The following ENTPD3 variants were observed in gnomAD, a reference collection of about 807,000 sequenced individuals.
The protein encoded by ENTPD3 is ectonucleoside triphosphate diphosphohydrolase 3.
Under a neutral mutation model 51.2 loss-of-function variants are expected in ENTPD3, and 60 were observed. The ratio of observed to expected loss-of-function variants is 1.17; its 90% CI spans 0.95 to 1.45. The LOEUF (loss-of-function observed/expected upper bound fraction) is 1.45. Ranked by LOEUF, ENTPD3 falls within the 40% of genes most tolerant of loss-of-function variation. The pLI is 0.00. For missense variants in ENTPD3, 593 were observed against 641.1 expected (o/e 0.93, Z 0.81); for synonymous variants, 221 against 238.4 (o/e 0.93, Z 0.67).
chr3:40,428,061 C>A lies in ENTPD3; in HGVS notation c.*553C>A. On this transcript the variant is annotated 3_prime_UTR_variant, in exon 11 of 11. Coordinates refer to ENST00000301825, the MANE Select transcript of ENTPD3 (RefSeq NM_001248.4). The stretch of plus-strand genomic sequence containing the variant: ...CTTCAGGGCAGCAGCCACAGCCAGG[C>A]TTCTGTCATACAGGTAGATCCCGAA... 1 of 158,292 alleles carries A rather than the reference C, an allele frequency of 6.3e-6. No homozygotes were observed. The highest frequency in any genetic ancestry group is 1.4e-5 in the Non-Finnish European group (1 of 71,042). 9.8% of individuals were successfully genotyped at this position (158,292 alleles called of 1,614,324 possible).
At chr3:40,387,713 G>A (rs147624082) in intron 1 of ENTPD3, among the ~76,000 whole-genome samples, 2 of 152,312 alleles carry the variant, frequency 1.3e-5, no homozygotes, top group East Asian at 3.9e-4. Flanking sequence ...CCTCAGCTTT[G>A]TGAATGTTAA....
intron 3 of ENTPD3, among the ~76,000 whole-genome samples, chr3:40,400,177 A>G (rs745537845): frequency 6.6e-6 from 1 of 151,740 alleles, no homozygotes; most frequent in Non-Finnish European, 1.5e-5. Context: ...AGGCAGGAGA[A>G]TCACTTGAAC....
At chr3:40,405,555 C>A (rs1463597537) in intron 4 of ENTPD3, among the ~76,000 whole-genome samples, 3 of 151,924 alleles carry the variant, frequency 2.0e-5, no homozygotes, top group Non-Finnish European at 4.4e-5. Flanking sequence ...AGCTGAGGTG[C>A]GTGTCTTTGG....
rs1956010004 is a variant in ENTPD3 at position 40,427,583 on chromosome 3, T to C, written c.*75T>C. 8.9e-7 allele frequency: 1 copy of C among 1,120,014 alleles called. No homozygotes were observed. The highest frequency in any genetic ancestry group is 1.3e-5 in the South Asian group (1 of 76,488). The allele number at this position is 1,120,014 out of a possible 1,614,324, so 69.4% of individuals were successfully genotyped here. On this transcript the variant is annotated 3_prime_UTR_variant, in exon 11 of 11. Coordinates refer to ENST00000301825, the MANE Select transcript of ENTPD3 (RefSeq NM_001248.4). Reference sequence around the variant, plus strand: ...GTGGCACCAGGCAATGCAGGTGAAGTGGCTGCCTTCAGGAAATACAACTAA... The same window carrying C: ...GTGGCACCAGGCAATGCAGGTGAAGCGGCTGCCTTCAGGAAATACAACTAA...
rs869240009 is a variant in ENTPD3 at position 40,408,930 on chromosome 3, CT to C, written c.287-2875del. Among the ~76,000 whole-genome samples the C allele has an allele frequency of 4.4e-5, 5 of 114,584 alleles. No individual in the cohort carries two copies. The African/African-American group carries it at 4.8e-4, about 11-fold the overall frequency. The allele number at this position is 114,584 out of a possible 152,430, so 75.2% of individuals were successfully genotyped here. Reference sequence around the variant, plus strand: ...CTTCCCACCAGAGGGGAACATTTTTCTTTTTTTAGGATTAATATATTTTTAT... The same window carrying C: ...CTTCCCACCAGAGGGGAACATTTTTCTTTTTTAGGATTAATATATTTTTAT... On this transcript the variant is annotated intron_variant, in intron 4 of 10. Transcript: ENST00000301825.
At chr3:40,394,213 C>G (rs1452870171) in intron 3 of ENTPD3, 1 of 201,106 alleles carries the variant, frequency 5.0e-6, no homozygotes, top group Non-Finnish European at 1.1e-5. Flanking sequence ...CTCCACAGTT[C>G]AAGTGATTCT....
chr3:40,412,025 T>C (rs569034548), intron 5 of ENTPD3, 63 bp downstream of exon 5: 4 of 1,449,544 alleles, frequency 2.8e-6, no homozygotes, highest in Non-Finnish European at 3.7e-6. Context: ...TGTTGAATCT[T>C]GCCAAGAATG....
rs545082604 is a variant in ENTPD3 at position 40,420,682 on chromosome 3, T to C, written c.832-2168T>C. ...GGCCTGTTTGCCTCCTTCTCAGTCA[T>C]ATGAAGATTTTTCTGGAAAACACTC... On this transcript the variant is annotated intron_variant, in intron 7 of 10. Transcript: ENST00000301825. Among the ~76,000 whole-genome samples the C allele has an allele frequency of 2.7e-5, 4 of 150,066 alleles. No individual in the cohort carries two copies. In the South Asian group the frequency reaches 8.4e-4, roughly 31 times the overall value.
intron 4 of ENTPD3, among the ~76,000 whole-genome samples, chr3:40,402,954 T>C (rs1035540501): frequency 6.6e-6 from 1 of 152,186 alleles, no homozygotes; most frequent in South Asian, 2.1e-4. Flanking sequence ...GGATCTTCAG[T>C]TGGCCTGTAG....
chr3:40,391,972 T>G (rs1420823907), intron 2 of ENTPD3, 51 bp from the exon 3 acceptor site: 1 of 1,606,920 alleles, frequency 6.2e-7, no homozygotes, highest in Non-Finnish European at 8.5e-7. Flanking sequence ...AGAATACCAG[T>G]GCCTGGTTTT....
chr3:40,395,146 T>C (rs1955167278), intron 3 of ENTPD3, among the ~76,000 whole-genome samples: 1 of 152,172 alleles, frequency 6.6e-6, no homozygotes, highest in South Asian at 2.1e-4. Flanking sequence ...AGAACAGGTT[T>C]GGGAAAGGGA....
intron 2 of ENTPD3, 56 bp from the exon 3 acceptor site, chr3:40,391,967 A>G: frequency 6.2e-7 from 1 of 1,603,810 alleles, no homozygotes; most frequent in South Asian, 1.1e-5. Flanking sequence ...TACAAAGAAT[A>G]CCAGTGCCTG....
At chr3:40,420,718 T>C (rs905520770) in intron 7 of ENTPD3, among the ~76,000 whole-genome samples, 1 of 152,198 alleles carries the variant, frequency 6.6e-6, no homozygotes, top group Non-Finnish European at 1.5e-5. Flanking sequence ...ATTTGGGTTA[T>C]ATTTGATGAA....
At chr3:40,395,232 G>C (rs1575209453) in intron 3 of ENTPD3, among the ~76,000 whole-genome samples, 1 of 152,220 alleles carries the variant, frequency 6.6e-6, no homozygotes, top group African/African-American at 2.4e-5. Flanking sequence ...TAAGGCAGTT[G>C]CCAGCTGATG....
chr3:40,414,574 C>T, intron 5 of ENTPD3, 107 bp from the exon 6 acceptor site: 1 of 1,234,228 alleles, frequency 8.1e-7, no homozygotes, highest in East Asian at 2.5e-5. Context: ...CATTCATCCC[C>T]ACCAGCAGGG....
At chr3:40,408,044 C>T (rs1247347363) in intron 4 of ENTPD3, among the ~76,000 whole-genome samples, 3 of 152,034 alleles carry the variant, frequency 2.0e-5, no homozygotes, top group Non-Finnish European at 4.4e-5. Context: ...ATCCAATCAG[C>T]GAAATCCAAA....
intron 3 of ENTPD3, 184 bp downstream of exon 3, chr3:40,392,334 G>A: frequency 1.5e-6 from 1 of 656,996 alleles, no homozygotes; most frequent in Non-Finnish European, 2.5e-6. Context: ...TGATATTTGA[G>A]GCTACAAATT....
intron 10 of ENTPD3, among the ~76,000 whole-genome samples, chr3:40,426,493 G>A (rs1955988498): frequency 6.6e-6 from 1 of 152,086 alleles, no homozygotes; most frequent in South Asian, 2.1e-4. Context: ...ATATTAGAAA[G>A]AAGTGTAAAT....
At chr3:40,422,531 C>CA (rs1308313949) in intron 7 of ENTPD3, among the ~76,000 whole-genome samples, 1 of 137,942 alleles carries the variant, frequency 7.2e-6, no homozygotes, top group Non-Finnish European at 1.6e-5. Flanking sequence ...CAACAGTCCC[C>CA]AGAGTGTGAT....
Sources: gnomAD v4.1 joint callset for allele counts (sites outside exome capture counted in the v4.1 genomes callset) on GRCh38, gnomAD v4.1.1 for gene constraint, MANE v1.5 for transcripts, NCBI Gene and HGNC (gene_info 2026-07-23, HGNC 2026-07-21) for gene names.